Variants in CHST11 observed in about 807,000 individuals in gnomAD.
CHST11 encodes the protein C4S-1.
Under a neutral mutation model 30.4 loss-of-function variants are expected in CHST11, and 9 were observed. The ratio of observed to expected loss-of-function variants is 0.30; its 90% confidence interval spans 0.18 to 0.52. The LOEUF (loss-of-function observed/expected upper bound fraction) is 0.52. Among genes scored for constraint, CHST11 ranks in the 20% least tolerant of loss-of-function variants. The pLI is 0.97. For synonymous variants in CHST11, 152 were observed against 187.8 expected (o/e 0.81, Z 1.56); for missense variants, 348 against 460.6 (o/e 0.76, Z 2.24).
Position 104,723,913 on chromosome 12 carries a change from G to A in CHST11, c.205-33036G>A, listed in dbSNP as rs1592859623. Among the ~76,000 whole-genome samples the A allele has an allele frequency of 1.3e-5, 2 of 152,336 alleles. 1 individual carries two copies. The highest frequency in any genetic ancestry group is 3.9e-4 in the East Asian group (2 of 5,186). ...ATGAGCCTTGAGGGTTCATACTGGG[G>A]AAGTAGGAGAAAGACATTTCACAGA... is the stretch of plus-strand genomic sequence containing the variant. On this transcript the variant is annotated intron_variant, in intron 2 of 2. Transcript: ENST00000303694.
At position 104,745,070 on chromosome 12, in the gene CHST11, C is replaced by T. The variant is rs747183560; in HGVS notation, c.205-11879C>T. Among the ~76,000 whole-genome samples the T allele has an allele frequency of 5.9e-5, 9 of 152,162 alleles. No individual in the cohort carries two copies. In the South Asian group the frequency reaches 1.2e-3, roughly 21 times the overall value. The stretch of plus-strand genomic sequence containing the variant: ...TGTATTTTTAGTAAAGACCGGGTTT[C>T]GCCGTGTTGGCCAGGCTGTTCTCGA... On this transcript the variant is annotated intron_variant, in intron 2 of 2. Transcript: ENST00000303694.
At chr12:104,609,490 G>A (rs2039038115) in intron 2 of CHST11, among the ~76,000 whole-genome samples, 1 of 152,176 alleles carries the variant, frequency 6.6e-6, no homozygotes, top group East Asian at 1.9e-4. Flanking sequence ...AACCAGGGAA[G>A]CTTCCCAGTC....
intron 2 of CHST11, among the ~76,000 whole-genome samples, chr12:104,667,046 CAT>C (rs900262392): frequency 5.3e-5 from 8 of 152,280 alleles, no homozygotes; most frequent in African/African-American, 1.9e-4. Flanking sequence ...TCTTCATGAA[CAT>C]AGTCATTCAT....
chr12:104,622,205 T>TAC (rs990705776), intron 2 of CHST11, among the ~76,000 whole-genome samples: 14 of 152,062 alleles, frequency 9.2e-5, no homozygotes, highest in African/African-American at 3.4e-4. Context: ...GTTTTGTGGA[T>TAC]AACCAAAATC....
At chr12:104,553,944 G>C (rs2038430458) in intron 1 of CHST11, among the ~76,000 whole-genome samples, 1 of 152,164 alleles carries the variant, frequency 6.6e-6, no homozygotes, top group Non-Finnish European at 1.5e-5. Flanking sequence ...GCCAGGGCTG[G>C]GGTCTCATCA....
chr12:104,592,942 C>T (rs2038874722), intron 1 of CHST11, among the ~76,000 whole-genome samples: 1 of 152,198 alleles, frequency 6.6e-6, no homozygotes. Flanking sequence ...TGACCCAGTT[C>T]TTCTCCTGGC....
intron 2 of CHST11, among the ~76,000 whole-genome samples, chr12:104,608,880 C>T (rs186532389): frequency 2.0e-5 from 3 of 152,240 alleles, no homozygotes; most frequent in Admixed American, 1.3e-4. Context: ...TGGGCCAATC[C>T]GAGATGCCAA....
Position 104,761,266 on chromosome 12 carries a change from G to A in CHST11, c.*3463G>A, listed in dbSNP as rs566879014. 6.6e-6 allele frequency: 1 copy of A among 152,214 alleles called. No homozygotes were observed. Among genetic ancestry groups the A allele is most frequent in the Non-Finnish European group, 1.5e-5 (1 of 68,074 alleles). The allele number at this position is 152,214 out of a possible 1,614,324, so 9.4% of individuals were successfully genotyped here. ...ATGCCACAGGAGAGCAGCAGGCAGTGGAAACTTCAGTTGCACTGGTTCTCC... is the reference window on the plus strand; with the variant it reads ...ATGCCACAGGAGAGCAGCAGGCAGTAGAAACTTCAGTTGCACTGGTTCTCC... On this transcript the variant is annotated 3_prime_UTR_variant, in exon 3 of 3. Transcript: ENST00000303694.
chr12:104,571,791 C>A (rs1265614306), intron 1 of CHST11, among the ~76,000 whole-genome samples: 1 of 152,136 alleles, frequency 6.6e-6, no homozygotes, highest in African/African-American at 2.4e-5. Context: ...TGTCTTGTGC[C>A]GGTTTTCAAA....
At chr12:104,480,451 G>T (rs1479461501) in intron 1 of CHST11, among the ~76,000 whole-genome samples, 2 of 151,858 alleles carry the variant, frequency 1.3e-5, no homozygotes, top group African/African-American at 4.8e-5. Context: ...GGTGGCGGGT[G>T]CCTGTAATCC....
At chr12:104,743,535 A>G (rs751142918) in intron 2 of CHST11, among the ~76,000 whole-genome samples, 7 of 152,364 alleles carry the variant, frequency 4.6e-5, no homozygotes, top group Middle Eastern at 3.4e-3. Flanking sequence ...TCACACCACT[A>G]AAATGATTGT....
intron 2 of CHST11, among the ~76,000 whole-genome samples, chr12:104,688,016 T>G (rs916280792): frequency 9.9e-5 from 15 of 152,186 alleles, no homozygotes; most frequent in African/African-American, 3.4e-4. Flanking sequence ...GTGTTTTCTG[T>G]GCATCACTTC....
intron 2 of CHST11, among the ~76,000 whole-genome samples, chr12:104,694,235 T>C (rs1051921885): frequency 6.6e-6 from 1 of 152,124 alleles, no homozygotes; most frequent in African/African-American, 2.4e-5. Context: ...AAAACCCATA[T>C]TCAAACCTAC....
intron 1 of CHST11, among the ~76,000 whole-genome samples, chr12:104,584,261 CT>C (rs34673490): frequency 2.5e-4 from 34 of 136,772 alleles, no homozygotes; most frequent in Admixed American, 3.7e-4. Context: ...TCTCTTTCTT[CT>C]TTTTTTTTTT....
chr12:104,497,313 C>T (rs10861226), intron 1 of CHST11, among the ~76,000 whole-genome samples: 28,341 of 152,026 alleles, frequency 0.19, 2,855 homozygotes, highest in East Asian at 0.33. Flanking sequence ...TTTGGATGCA[C>T]GGAGGCACCA....
chr12:104,544,138 A>AAAGAAAGAAAGAAAGAAAG (rs538963282), intron 1 of CHST11, among the ~76,000 whole-genome samples: 31 of 71,712 alleles, frequency 4.3e-4, no homozygotes, highest in African/African-American at 1.2e-3. Flanking sequence ...AAAAAAAAAA[A>AAAGAAAGAAAGAAAGAAAG]AAAGAAAGAA....
Position 104,761,936 on chromosome 12 carries a change from C to T in CHST11, c.*4133C>T, listed in dbSNP as rs1354349438. The T allele has an allele frequency of 1.3e-5, 2 of 152,170 alleles. No individual in the cohort carries two copies. Among genetic ancestry groups the T allele is most frequent in the Non-Finnish European group, 2.9e-5 (2 of 68,030 alleles). The allele number at this position is 152,170 out of a possible 1,614,324, so 9.4% of individuals were successfully genotyped here. A position where few individuals can be genotyped will look rare whatever the true frequency, so the allele number is the denominator to read the frequency against. On this transcript the variant is annotated 3_prime_UTR_variant, in exon 3 of 3. Coordinates refer to ENST00000303694, the MANE Select transcript of CHST11 (RefSeq NM_018413.6). ...TTGCCAACAAAAGCGTGAAAATGTT[C>T]ATGAACCTTCCTCCAGGAAAAGCCA...
At chr12:104,709,865 A>G (rs948427736) in intron 2 of CHST11, among the ~76,000 whole-genome samples, 3 of 152,220 alleles carry the variant, frequency 2.0e-5, no homozygotes, top group Non-Finnish European at 4.4e-5. Context: ...AATGGGTGAA[A>G]TGTATGGTAT....
intron 1 of CHST11, among the ~76,000 whole-genome samples, chr12:104,488,503 G>A (rs554188687): frequency 1.3e-5 from 2 of 151,780 alleles, no homozygotes; most frequent in East Asian, 1.9e-4. Context: ...ATGTGTGTCC[G>A]TGTATATGTG....
Sources: gnomAD v4.1 joint callset for allele counts (sites outside exome capture counted in the v4.1 genomes callset) on GRCh38, gnomAD v4.1.1 for gene constraint, MANE v1.5 for transcripts, NCBI Gene and HGNC (gene_info 2026-07-23, HGNC 2026-07-21) for gene names.